The following LSAMP variants were observed in gnomAD, a reference collection of about 807,000 sequenced individuals.
LSAMP encodes the protein limbic system-associated membrane protein.
Under a neutral mutation model 38.6 loss-of-function variants are expected in LSAMP, and 7 were observed. The observed-to-expected ratio is 0.18, with a 90% confidence interval of 0.10 to 0.34. The LOEUF (loss-of-function observed/expected upper bound fraction) is 0.34, where lower values mean the gene tolerates loss of function less well. Among genes scored for constraint, LSAMP ranks in the 10% least tolerant of loss-of-function variants. The pLI is 1.00. For missense variants in LSAMP, 313 were observed against 420.0 expected, an observed-to-expected ratio of 0.75 and a Z score of 2.23; for synonymous variants, 154 against 166.8, an observed-to-expected ratio of 0.92 and a Z score of 0.59.
At chr3:116,022,012 G>C (rs1189662468) in intron 2 of LSAMP, among the ~76,000 whole-genome samples, 3 of 152,108 alleles carry the variant, frequency 2.0e-5, no homozygotes, top group Admixed American at 2.0e-4. Flanking sequence ...TTCAAGTACT[G>C]AGTCTCAGAG....
intron 1 of LSAMP, among the ~76,000 whole-genome samples, chr3:116,292,383 A>C (rs549408221): frequency 3.7e-4 from 51 of 136,396 alleles, no homozygotes; most frequent in Non-Finnish European, 5.5e-4. Flanking sequence ...GATGTAAATA[A>C]ATCATTAATA....
intron 2 of LSAMP, among the ~76,000 whole-genome samples, chr3:116,065,678 T>C (rs1707410839): frequency 1.3e-5 from 2 of 152,238 alleles, no homozygotes; most frequent in Admixed American, 1.3e-4. Flanking sequence ...CTCAGCAGTT[T>C]CTCCAGATGG....
chr3:116,178,924 G>T (rs1356721406), intron 1 of LSAMP, among the ~76,000 whole-genome samples: 1 of 151,786 alleles, frequency 6.6e-6, no homozygotes, highest in Non-Finnish European at 1.5e-5. Flanking sequence ...AGCAGTCTCA[G>T]TCTTTGGGAT....
chr3:116,281,421 G>T (rs1271694353), intron 1 of LSAMP, among the ~76,000 whole-genome samples: 4 of 152,110 alleles, frequency 2.6e-5, no homozygotes, highest in Non-Finnish European at 5.9e-5. Flanking sequence ...TAATTAGAAA[G>T]AATGACAGCT....
intron 3 of LSAMP, among the ~76,000 whole-genome samples, chr3:115,860,965 C>G (rs1576158495): frequency 6.6e-6 from 1 of 152,116 alleles, no homozygotes; most frequent in Non-Finnish European, 1.5e-5. Flanking sequence ...ACCACTACAT[C>G]TCCTTTAAGC....
intron 1 of LSAMP, among the ~76,000 whole-genome samples, chr3:116,297,202 T>C (rs926351825): frequency 6.6e-6 from 1 of 152,288 alleles, no homozygotes; most frequent in East Asian, 1.9e-4. Context: ...ATTGGCTATA[T>C]AGATAGAAGA....
At chr3:116,133,572 C>A (rs1709182029) in intron 1 of LSAMP, among the ~76,000 whole-genome samples, 1 of 152,088 alleles carries the variant, frequency 6.6e-6, no homozygotes, top group African/African-American at 2.4e-5. Flanking sequence ...CTTGGCATTT[C>A]AAAGTTCTGA....
chr3:116,109,964 G>A (rs1303315299), intron 1 of LSAMP, among the ~76,000 whole-genome samples: 2 of 149,298 alleles, frequency 1.3e-5, no homozygotes, highest in African/African-American at 5.1e-5. Flanking sequence ...AGAGGTCGGG[G>A]TGTGGAAATA....
intron 1 of LSAMP, among the ~76,000 whole-genome samples, chr3:116,303,251 GA>G (rs2047438511): frequency 6.6e-6 from 1 of 152,128 alleles, no homozygotes; most frequent in Admixed American, 6.5e-5. Context: ...ATATTTGGGA[GA>G]AATAAAGATT....
chr3:116,314,949 C>T (rs1375653151), intron 1 of LSAMP, among the ~76,000 whole-genome samples: 1 of 152,086 alleles, frequency 6.6e-6, no homozygotes, highest in Non-Finnish European at 1.5e-5. Flanking sequence ...TGAATAAAAA[C>T]ATCATTGGCC....
intron 1 of LSAMP, among the ~76,000 whole-genome samples, chr3:116,117,694 A>G (rs1298869638): frequency 1.3e-5 from 2 of 152,092 alleles, no homozygotes; most frequent in Non-Finnish European, 2.9e-5. Context: ...ATTTTGTGGC[A>G]TGTCTATTTA....
chr3:116,258,970 A>C (rs1280019561), intron 1 of LSAMP, among the ~76,000 whole-genome samples: 2 of 152,144 alleles, frequency 1.3e-5, no homozygotes, highest in Non-Finnish European at 2.9e-5. Context: ...CCTACACATA[A>C]ATGTACACAT....
intron 1 of LSAMP, among the ~76,000 whole-genome samples, chr3:116,342,030 A>G (rs1008699306): frequency 6.6e-6 from 1 of 152,044 alleles, no homozygotes; most frequent in Non-Finnish European, 1.5e-5. Flanking sequence ...CAGTAATAGT[A>G]TTAAAATGCC....
chr3:115,821,087 T>C (rs952415390), intron 6 of LSAMP, among the ~76,000 whole-genome samples: 4 of 152,360 alleles, frequency 2.6e-5, no homozygotes, highest in South Asian at 2.1e-4. Flanking sequence ...CTTGCTCTTA[T>C]CTCTCACTAC....
chr3:116,283,491 G>A (rs947535757), intron 1 of LSAMP, among the ~76,000 whole-genome samples: 2 of 152,076 alleles, frequency 1.3e-5, no homozygotes, highest in Non-Finnish European at 2.9e-5. Flanking sequence ...TAAAGTCTAA[G>A]TTTTGTGCTT....
At chr3:116,113,603 T>C (rs1011962602) in intron 1 of LSAMP, among the ~76,000 whole-genome samples, 3 of 150,718 alleles carry the variant, frequency 2.0e-5, no homozygotes, top group African/African-American at 7.3e-5. Context: ...TTTTTTGTAT[T>C]TTTAGTAGAG....
intron 3 of LSAMP, among the ~76,000 whole-genome samples, chr3:115,974,637 C>T (rs927739766): frequency 6.6e-6 from 1 of 152,120 alleles, no homozygotes; most frequent in African/African-American, 2.4e-5. Context: ...TTTCATTTCA[C>T]ATAGAGTAAG....
At chr3:116,290,816 C>T (rs2047257524) in intron 1 of LSAMP, among the ~76,000 whole-genome samples, 1 of 151,218 alleles carries the variant, frequency 6.6e-6, no homozygotes, top group Admixed American at 6.6e-5. Context: ...CTAACTTATC[C>T]TTGATATAAT....
chr3:116,104,140 A>G (rs1320976162), intron 1 of LSAMP, among the ~76,000 whole-genome samples: 1 of 152,208 alleles, frequency 6.6e-6, no homozygotes, highest in Non-Finnish European at 1.5e-5. Context: ...CAGTATGAAC[A>G]CTGGCCAGAG....
Sources: allele counts gnomAD v4.1 joint callset (sites outside exome capture counted in the v4.1 genomes callset), GRCh38; gene constraint gnomAD v4.1.1; transcripts MANE v1.5; gene names NCBI Gene and HGNC (gene_info 2026-07-23, HGNC 2026-07-21).